The following TEAD1 variants were observed in gnomAD, a reference collection of about 807,000 sequenced individuals.
TEAD1 encodes the protein transcriptional enhancer factor TEF-1.
A neutral mutation model predicts 54.9 loss-of-function variants in TEAD1; 9 were observed. That is an observed-to-expected ratio of 0.16 (90% CI 0.10 to 0.29). TEAD1 has a LOEUF of 0.29. Ranked by LOEUF, TEAD1 falls within the 10% of genes least tolerant of loss-of-function variation. TEAD1 has a pLI of 1.00. For synonymous variants in TEAD1, 200 were observed against 187.8 expected, an observed-to-expected ratio of 1.07 and a Z score of -0.53; for missense variants, 387 against 535.9, an observed-to-expected ratio of 0.72 and a Z score of 2.74.
Position 12,939,799 on chromosome 11 carries a change from C to T in TEAD1, c.*2577C>T, listed in dbSNP as rs1447090728. ...TCTCCAGGACAGATATTTTCCCTGTCTTAACCACTGGTCCAGTCATCCCAG... is the reference window on the plus strand; with the variant it reads ...TCTCCAGGACAGATATTTTCCCTGTTTTAACCACTGGTCCAGTCATCCCAG... On this transcript the variant is annotated 3_prime_UTR_variant, in exon 13 of 13. Transcript: ENST00000527636. 2 of 152,248 alleles carry T rather than the reference C, an allele frequency of 1.3e-5. No individual in the cohort carries two copies. The highest frequency in any genetic ancestry group is 2.9e-5 in the Non-Finnish European group (2 of 68,056). 9.4% of individuals were successfully genotyped at this position (152,248 alleles called of 1,614,324 possible).
intron 3 of TEAD1, among the ~76,000 whole-genome samples, chr11:12,814,833 G>T (rs1946382279): frequency 1.6e-5 from 2 of 123,206 alleles, no homozygotes. Flanking sequence ...GTGTGTGTGT[G>T]TGTGTGTCCC....
intron 2 of TEAD1, among the ~76,000 whole-genome samples, chr11:12,693,378 G>T (rs1943504934): frequency 6.6e-6 from 1 of 152,224 alleles, no homozygotes; most frequent in South Asian, 2.1e-4. Context: ...TGCTCACTCT[G>T]AACTCTGGTT....
At chr11:12,880,286 A>G (rs1023831516) in intron 6 of TEAD1, among the ~76,000 whole-genome samples, 1 of 152,092 alleles carries the variant, frequency 6.6e-6, no homozygotes, top group Non-Finnish European at 1.5e-5. Context: ...GACACCTACC[A>G]AAGGCTGAGA....
intron 9 of TEAD1, among the ~76,000 whole-genome samples, chr11:12,901,689 G>A (rs1462269358): frequency 6.6e-6 from 1 of 152,134 alleles, no homozygotes; most frequent in Non-Finnish European, 1.5e-5. Context: ...TGTTATTAAT[G>A]TGTCCGCAAA....
intron 3 of TEAD1, among the ~76,000 whole-genome samples, chr11:12,811,542 T>C (rs1530176): frequency 1 from 152,236 of 152,310 alleles, 76,081 homozygotes; most frequent in Middle Eastern, 1. Context: ...CTCCAAGGTC[T>C]GTGTGAGGGT....
intron 2 of TEAD1, among the ~76,000 whole-genome samples, chr11:12,702,609 A>G (rs1943726371): frequency 6.6e-6 from 1 of 152,124 alleles, no homozygotes; most frequent in African/African-American, 2.4e-5. Context: ...CTCCAGCAGC[A>G]CTGCCTTTCT....
intron 2 of TEAD1, among the ~76,000 whole-genome samples, chr11:12,706,011 T>A (rs182423640): frequency 6.6e-6 from 1 of 152,240 alleles, no homozygotes; most frequent in Non-Finnish European, 1.5e-5. Context: ...CATTAAGCAA[T>A]ACAGGCTGTT....
intron 5 of TEAD1, among the ~76,000 whole-genome samples, chr11:12,878,008 T>C (rs1215555682): frequency 1.3e-5 from 2 of 151,908 alleles, no homozygotes; most frequent in African/African-American, 2.4e-5. Context: ...GGTCTCTCTA[T>C]GTAACCCAGG....
chr11:12,750,287 G>T (rs1944843208), intron 2 of TEAD1, among the ~76,000 whole-genome samples: 1 of 151,822 alleles, frequency 6.6e-6, no homozygotes, highest in Admixed American at 6.5e-5. Flanking sequence ...AGTATGTTGA[G>T]TGCTTGAAGA....
intron 2 of TEAD1, among the ~76,000 whole-genome samples, chr11:12,686,911 C>T (rs1287160630): frequency 1.3e-5 from 2 of 152,114 alleles, no homozygotes; most frequent in East Asian, 3.8e-4. Flanking sequence ...GGTGTTCAGT[C>T]CAGTGTTTCA....
intron 10 of TEAD1, among the ~76,000 whole-genome samples, chr11:12,904,234 A>G (rs886353550): frequency 6.6e-6 from 1 of 151,006 alleles, no homozygotes; most frequent in Non-Finnish European, 1.5e-5. Context: ...TTTTATTACA[A>G]CCTAGAGTAC....
chr11:12,719,353 T>TA (rs1944131435), intron 2 of TEAD1, among the ~76,000 whole-genome samples: 6 of 152,064 alleles, frequency 3.9e-5, no homozygotes, highest in African/African-American at 7.2e-5. Context: ...AAGTGGCTTC[T>TA]ATATGCTCAC....
At chr11:12,882,035 G>A in intron 8 of TEAD1, 78 bp downstream of exon 8, 1 of 1,491,644 alleles carries the variant, frequency 6.7e-7, no homozygotes, top group Non-Finnish European at 9.3e-7. Context: ...TGTTCCCAGA[G>A]TCAAGAGATG....
intron 3 of TEAD1, among the ~76,000 whole-genome samples, chr11:12,840,849 C>A (rs1947023239): frequency 6.6e-6 from 1 of 152,196 alleles, no homozygotes; most frequent in African/African-American, 2.4e-5. Flanking sequence ...TTTGATTGCT[C>A]TCCATTGGTA....
At position 12,938,920 on chromosome 11, in the gene TEAD1, A is replaced by G. The variant is rs930110179; in HGVS notation, c.*1698A>G. ...CATGTCAAGATTTTTCCACCAAGCT[A>G]GAAAATAAAAAACTTAGTTCTACCA... On this transcript the variant is annotated 3_prime_UTR_variant, in exon 13 of 13. Transcript: ENST00000527636. The G allele has an allele frequency of 2.0e-5, 3 of 152,268 alleles. No individual in the cohort carries two copies. The highest frequency in any genetic ancestry group is 4.4e-5 in the Non-Finnish European group (3 of 68,050). The allele number at this position is 152,268 out of a possible 1,614,324, so 9.4% of individuals were successfully genotyped here.
intron 3 of TEAD1, among the ~76,000 whole-genome samples, chr11:12,842,648 C>A (rs1947063756): frequency 6.6e-6 from 1 of 152,152 alleles, no homozygotes; most frequent in South Asian, 2.1e-4. Flanking sequence ...TTTTATCTGG[C>A]AAGCATGTCT....
intron 10 of TEAD1, among the ~76,000 whole-genome samples, chr11:12,916,320 C>T (rs1554949336): frequency 6.6e-6 from 1 of 152,196 alleles, no homozygotes; most frequent in Non-Finnish European, 1.5e-5. Context: ...CTGTGCCACA[C>T]ACCCGACAAA....
chr11:12,680,208 G>C (rs1943188289), intron 2 of TEAD1, among the ~76,000 whole-genome samples: 1 of 152,152 alleles, frequency 6.6e-6, no homozygotes, highest in Non-Finnish European at 1.5e-5. Flanking sequence ...TCATCCCAGT[G>C]TCTGTATCCC....
chr11:12,925,751 C>A (rs1948893973), intron 11 of TEAD1, among the ~76,000 whole-genome samples: 1 of 152,062 alleles, frequency 6.6e-6, no homozygotes, highest in African/African-American at 2.4e-5. Flanking sequence ...GAATGATGCC[C>A]TCCCTACACC....
Sources: gnomAD v4.1 joint callset for allele counts (sites outside exome capture counted in the v4.1 genomes callset) on GRCh38, gnomAD v4.1.1 for gene constraint, MANE v1.5 for transcripts, NCBI Gene and HGNC (gene_info 2026-07-23, HGNC 2026-07-21) for gene names.